The following VPS35 variants were observed in gnomAD, a reference collection of about 807,000 sequenced individuals.
VPS35 encodes vacuolar protein sorting-associated protein 35.
A neutral mutation model predicts 98.1 loss-of-function variants in VPS35; 21 were observed. The observed-to-expected ratio is 0.21, with a 90% CI of 0.15 to 0.31. VPS35 has a LOEUF of 0.31. VPS35 is among the 10% of genes least tolerant of loss of function. The pLI is 1.00. For synonymous variants in VPS35, 268 were observed against 318.2 expected (o/e 0.84, Z 1.68); for missense variants, 554 against 950.8 (o/e 0.58, Z 5.49).
Position 46,660,384 on chromosome 16 carries a change from G to A in VPS35, c.*88C>T. The A allele has an allele frequency of 6.4e-7, 1 of 1,555,968 alleles. No homozygotes were observed. On this transcript the variant is annotated 3_prime_UTR_variant, in exon 17 of 17. Coordinates refer to ENST00000299138, the MANE Select transcript of VPS35 (RefSeq NM_018206.6). ...ATGGGAAACCTACCTCAGCATTTCT[G>A]AAAGGCACAATCTATGGAAGGGAAA...
At chr16:46,669,117 G>A (rs1430973717) in intron 12 of VPS35, 65 bp from the exon 13 acceptor site, 1 of 1,592,494 alleles carries the variant, frequency 6.3e-7, no homozygotes, top group East Asian at 2.2e-5. Flanking sequence ...TGAAATAAAT[G>A]TGGGCTCTAA....
chr16:46,661,824 T>C lies in VPS35; in HGVS notation c.2105A>G (p.Lys702Arg), dbSNP rs1331150038. The C allele has an allele frequency of 1.9e-6, 3 of 1,614,048 alleles. No homozygotes were observed. Among genetic ancestry groups the C allele is most frequent in the Admixed American group, 1.7e-5 (1 of 60,004 alleles). ...GCACTGATTTGCTATTTTTAGAGCTTTTTTTAGGCACTCCATTACCCTCTT... is the reference window on the plus strand; with the variant it reads ...GCACTGATTTGCTATTTTTAGAGCTCTTTTTAGGCACTCCATTACCCTCTT... ...GGKRVMECLK[K>R]ALKIANQCMD... The change falls in exon 16 of 17, where the codon AAA (lysine) becomes AGA (arginine). Residue 702 changes from lysine to arginine, a missense_variant. By Grantham distance (26) the Lys-to-Arg change is conservative. Around this residue, in one of 5 missense-constraint regions of VPS35, gnomAD observed 153 missense variants for 211.0 expected, o/e 0.73. Coordinates refer to ENST00000299138, the MANE Select transcript of VPS35 (RefSeq NM_018206.6). This position sits in a 1 kb window ranked among gnomAD's most constrained non-coding sequence, Gnocchi z 4.3.
rs1350789085 is a variant in VPS35, at chr16:46,689,041, C to G, written c.3+90G>C. The G allele has an allele frequency of 3.2e-6, 5 of 1,568,992 alleles. No homozygotes were observed. In the Admixed American group the frequency reaches 9.4e-5, roughly 30 times the overall value. ...TAATCCCGAACGGTCTGTGGGGCCC[C>G]TTCTCCACTCGCTGGAGTGCGGGGC... On this transcript the variant is annotated intron_variant, in intron 1 of 16. Coordinates refer to ENST00000299138, the MANE Select transcript of VPS35 (RefSeq NM_018206.6).
intron 6 of VPS35, among the ~76,000 whole-genome samples, chr16:46,677,981 G>C (rs757529621): frequency 2.0e-5 from 3 of 152,116 alleles, no homozygotes; most frequent in Non-Finnish European, 2.9e-5. Flanking sequence ...AGGGTTTTTT[G>C]TTTGCATATA....
intron 1 of VPS35, chr16:46,688,246 T>G: frequency 1.1e-6 from 1 of 938,862 alleles, no homozygotes; most frequent in Non-Finnish European, 1.3e-6. Flanking sequence ...ATACAGTATA[T>G]ACTCAAAAAA....
intron 13 of VPS35, among the ~76,000 whole-genome samples, chr16:46,663,722 T>C (rs964608832): frequency 4.6e-5 from 7 of 150,660 alleles, no homozygotes; most frequent in Non-Finnish European, 7.4e-5. Flanking sequence ...TTTTTTTTTT[T>C]CAACAGCTCT....
intron 1 of VPS35, among the ~76,000 whole-genome samples, chr16:46,684,016 G>GT (rs1465207027): frequency 6.6e-6 from 1 of 152,118 alleles, no homozygotes; most frequent in Non-Finnish European, 1.5e-5. Context: ...ATGAGCCACC[G>GT]CACCCAGCCC....
At chr16:46,669,129 C>A in intron 12 of VPS35, 77 bp from the exon 13 acceptor site, 2 of 1,558,848 alleles carry the variant, frequency 1.3e-6, no homozygotes, top group South Asian at 1.1e-5. Context: ...GGGCTCTAAT[C>A]ATCATTGCTA....
Position 46,660,369 on chromosome 16 carries a change from T to C in VPS35, c.*103A>G, listed in dbSNP as rs1481153945. ...CATCACAGGTAAGAAATGGGAAACC[T>C]ACCTCAGCATTTCTGAAAGGCACAA... On this transcript the variant is annotated 3_prime_UTR_variant, in exon 17 of 17. Transcript: ENST00000299138. 3 of 1,454,750 alleles carry C rather than the reference T, an allele frequency of 2.1e-6. No homozygotes were observed. In the African/African-American group the frequency reaches 4.2e-5, roughly 20 times the overall value. 90.1% of individuals were successfully genotyped at this position (1,454,750 alleles called of 1,614,324 possible). A position where few individuals can be genotyped will look rare whatever the true frequency, so the allele number is the denominator to read the frequency against.
Position 46,680,857 on chromosome 16 carries a change from G to C in VPS35, c.324-4C>G, listed in dbSNP as rs1966223793. 6.2e-7 allele frequency: 1 copy of C among 1,612,582 alleles called. No homozygotes were observed. Among genetic ancestry groups the C allele is most frequent in the South Asian group, 1.1e-5 (1 of 91,028 alleles). ...TCCAACTGTGATCAAAAGGTAACTA[G>C]GAAAATTATGAAGAAATGCTGATTA... On this transcript the variant is annotated splice_polypyrimidine_tract_variant and splice_region_variant and intron_variant, in intron 4 of 16. Coordinates refer to ENST00000299138, the MANE Select transcript of VPS35 (RefSeq NM_018206.6).
chr16:46,680,563 C>CT, intron 5 of VPS35, 108 bp downstream of exon 5: 1 of 1,215,462 alleles, frequency 8.2e-7, no homozygotes, highest in Non-Finnish European at 1.2e-6. Flanking sequence ...AAATGGCTGA[C>CT]TGGGTGGAAG....
At chr16:46,680,606 C>T in intron 5 of VPS35, 65 bp downstream of exon 5, 3 of 1,537,938 alleles carry the variant, frequency 2.0e-6, no homozygotes, top group Non-Finnish European at 2.7e-6. Context: ...TATATGTTTC[C>T]ACACTTTTAT....
intron 7 of VPS35, 62 bp downstream of exon 7, chr16:46,677,253 C>A: frequency 6.6e-7 from 1 of 1,504,218 alleles, no homozygotes; most frequent in Non-Finnish European, 9.2e-7. Context: ...TTTTTCAAAA[C>A]AATTAAATTT....
intron 14 of VPS35, 120 bp from the exon 15 acceptor site, chr16:46,662,602 C>T (rs1965929794): frequency 2.1e-6 from 3 of 1,460,080 alleles, no homozygotes; most frequent in Non-Finnish European, 1.9e-6. Flanking sequence ...CATATCAGAA[C>T]ATGCTGCACC....
chr16:46,677,067 T>A (rs1966162863), intron 7 of VPS35, among the ~76,000 whole-genome samples: 1 of 152,116 alleles, frequency 6.6e-6, no homozygotes, highest in African/African-American at 2.4e-5. Context: ...AAAAATTTTT[T>A]TAATTTTTTA....
chr16:46,674,830 G>A lies in VPS35; in HGVS notation c.915-170C>T, dbSNP rs536134821. Among the ~76,000 whole-genome samples the A allele has an allele frequency of 6.6e-5, 10 of 151,672 alleles. No individual in the cohort carries two copies. The South Asian group carries it at 1.3e-3, about 19-fold the overall frequency. On this transcript the variant is annotated intron_variant, in intron 8 of 16. Coordinates refer to ENST00000299138, the MANE Select transcript of VPS35 (RefSeq NM_018206.6). ...TTTTGAGACAGAGTCTCGCTCTGTCGCCCAGGCTGGAGTGCAGTCACGCAC... is the reference window on the plus strand; with the variant it reads ...TTTTGAGACAGAGTCTCGCTCTGTCACCCAGGCTGGAGTGCAGTCACGCAC...
In VPS35 at chr16:46,674,409, A is replaced by C; in HGVS notation, c.1065T>G (p.Ile355Met). Residue 355 changes from isoleucine (I) to methionine (M), a missense_variant, in exon 10 of 17, where the codon ATT (isoleucine) becomes ATG (methionine). Physicochemically the swap from Ile to Met is conservative, Grantham distance 10. Transcript: ENST00000299138. ...EDVVSLQVSLINLAMKCYPDR... is the reference protein window; with the variant it reads ...EDVVSLQVSLMNLAMKCYPDR... ...CAGGGTAACATTTCATGGCAAGATT[A>C]ATCAGAGAGACTTGTAAAGATACAA... 1 of 1,613,858 alleles carries C rather than the reference A, an allele frequency of 6.2e-7. No individual in the cohort carries two copies. The highest frequency in any genetic ancestry group is 1.1e-5 in the South Asian group (1 of 91,060).
In VPS35 at chr16:46,671,729, A is replaced by G; in HGVS notation, c.1500T>C (p.Ser500=). The G allele has an allele frequency of 1.2e-6, 2 of 1,614,166 alleles. No homozygotes were observed. Among genetic ancestry groups the G allele is most frequent in the South Asian group, 1.1e-5 (1 of 91,088 alleles). ...CCAAGTACTGCTGGTCAGGGTCCTC[A>G]GAGCGCAGCAGATGAATGAAGCGGC... ...LVGRFIHLLR[S]EDPDQQYLIL... The change falls in exon 12 of 17, where the codon TCT becomes TCC. Residue 500 remains serine, a synonymous_variant. Coordinates refer to ENST00000299138, the MANE Select transcript of VPS35 (RefSeq NM_018206.6).
Position 46,661,610 on chromosome 16 carries a change from G to T in VPS35, c.2211+108C>A. ...GTAAATTATTTTACATTTTTCAAATGAACAGTGATTAAAGTATCAGAATGA... is the reference window on the plus strand; with the variant it reads ...GTAAATTATTTTACATTTTTCAAATTAACAGTGATTAAAGTATCAGAATGA... On this transcript the variant is annotated intron_variant, in intron 16 of 16. Coordinates refer to ENST00000299138, the MANE Select transcript of VPS35 (RefSeq NM_018206.6). This position sits in a 1 kb window ranked among gnomAD's most constrained non-coding sequence, Gnocchi z 4.3. The T allele has an allele frequency of 9.8e-7, 1 of 1,022,566 alleles. No homozygotes were observed. Among genetic ancestry groups the T allele is most frequent in the South Asian group, 1.4e-5 (1 of 70,078 alleles). The allele number at this position is 1,022,566 out of a possible 1,614,324, so 63.3% of individuals were successfully genotyped here.
Sources: gnomAD v4.1 joint callset for allele counts (sites outside exome capture counted in the v4.1 genomes callset) on GRCh38, gnomAD v4.1.1 for gene constraint, gnomAD v4.1.1 regional missense constraint, Gnocchi (gnomAD v3.1) non-coding constraint, MANE v1.5 for transcripts, NCBI Gene and HGNC (gene_info 2026-07-23, HGNC 2026-07-21) for gene names.